Variants in ERBB2 observed in about 807,000 individuals in gnomAD.
ERBB2 encodes receptor tyrosine-protein kinase erbB-2.
In ERBB2, 61 loss-of-function variants were observed where a neutral mutation model predicts 149.0. That is an observed-to-expected ratio of 0.41 (90% CI 0.33 to 0.51). The LOEUF (loss-of-function observed/expected upper bound fraction) is 0.51, where lower values mean the gene tolerates loss of function less well. ERBB2 is among the 20% of genes least tolerant of loss of function. The probability of loss-of-function intolerance (pLI) is 0.25; values close to 1 mark genes in which losing one functional copy is unlikely to be tolerated. For synonymous variants in ERBB2, 633 were observed against 678.8 expected (o/e 0.93, Z 1.05); for missense variants, 1,205 against 1,655.1 (o/e 0.73, Z 4.72).
chr17:39,693,024 T>C (rs1487135699), upstream of ERBB2, among the ~76,000 whole-genome samples: 3 of 152,154 alleles, frequency 2.0e-5, no homozygotes, highest in Non-Finnish European at 4.4e-5. Context: ...ACTGTACCAC[T>C]GCACTCCAGC....
In ERBB2 at chr17:39,725,890, G is replaced by C. The variant is rs2143085736; in HGVS notation, c.2872+37G>C. On this transcript the variant is annotated intron_variant, in intron 23 of 26. Transcript: ENST00000269571. This position sits in a 1 kb window ranked among gnomAD's most constrained non-coding sequence, Gnocchi z 4.6. ...AGCTGTGCTGGCTGCCTGGAGGAGG[G>C]TGGGAGGTCCTGGGTGGAGGAGCCC... The C allele has an allele frequency of 6.2e-7, 1 of 1,610,736 alleles. No individual in the cohort carries two copies.
chr17:39,690,026 A>C (rs1292507809), upstream of ERBB2, among the ~76,000 whole-genome samples: 1 of 152,186 alleles, frequency 6.6e-6, no homozygotes, highest in African/African-American at 2.4e-5. Context: ...ATACATATAT[A>C]TAATTCAATC....
rs1432570064 is a variant in ERBB2 at position 39,726,284 on chromosome 17, G to A, written c.2873-278G>A. On this transcript the variant is annotated intron_variant, in intron 23 of 26. Transcript: ENST00000269571. This position sits in a 1 kb window ranked among gnomAD's most constrained non-coding sequence, Gnocchi z 5.1. Reference sequence around the variant, plus strand: ...CTAGTTTAAGGTTGCAGTAAGCTATGATTGCACCACTGAAATCCAGCCTGG... The same window carrying A: ...CTAGTTTAAGGTTGCAGTAAGCTATAATTGCACCACTGAAATCCAGCCTGG... The A allele has an allele frequency of 2.0e-6, 1 of 493,946 alleles. No homozygotes were observed. The highest frequency in any genetic ancestry group is 1.9e-5 in the African/African-American group (1 of 52,068). The allele number at this position is 493,946 out of a possible 1,614,324, so 30.6% of individuals were successfully genotyped here.
intron 14 of ERBB2, 68 bp downstream of exon 14, chr17:39,716,673 G>C: frequency 1.4e-6 from 2 of 1,402,744 alleles, no homozygotes; most frequent in Non-Finnish European, 2.0e-6. Context: ...GGACTTGGCA[G>C]GATGGCGAGA....
rs2145520335 is a variant in ERBB2, at chr17:39,710,396, C to A, written c.816C>A (p.Val272=). The change falls in exon 7 of 27, where the codon GTC becomes GTA. Residue 272 remains valine, a synonymous_variant. Transcript: ENST00000269571. ...GTGAGCTGCACTGCCCAGCCCTGGT[C>A]ACCTACAACACAGACACGTTTGAGT... The part of the protein sequence containing the change: ...GICELHCPAL[V]TYNTDTFESM... The A allele has an allele frequency of 6.2e-7, 1 of 1,614,150 alleles. No individual in the cohort carries two copies. Among genetic ancestry groups the A allele is most frequent in the Non-Finnish European group, 8.5e-7 (1 of 1,180,034 alleles).
At position 39,726,683 on chromosome 17, in the gene ERBB2, C is replaced by A. The variant is rs950695531; in HGVS notation, c.2970+24C>A. ...AGGTACTGGGCCTCTGTGCCCCATC[C>A]CTGCCTGTGGCTAAGAGCACCCTCC... On this transcript the variant is annotated intron_variant, in intron 24 of 26. Coordinates refer to ENST00000269571, the MANE Select transcript of ERBB2 (RefSeq NM_004448.4). This position sits in a 1 kb window ranked among gnomAD's most constrained non-coding sequence, Gnocchi z 5.1. 10 of 1,610,816 alleles carry A rather than the reference C, an allele frequency of 6.2e-6. No individual in the cohort carries two copies. Among genetic ancestry groups the A allele is most frequent in the Non-Finnish European group, 8.5e-6 (10 of 1,176,968 alleles).
At chr17:39,697,356 T>TTG (rs1555612366), upstream of ERBB2, among the ~76,000 whole-genome samples, 20 of 142,532 alleles carry the variant, frequency 1.4e-4, no homozygotes, top group African/African-American at 5.4e-4. Context: ...TTTGTTTTGT[T>TTG]TTTTTTTTTT....
chr17:39,712,329 T>C lies in ERBB2; in HGVS notation c.1029T>C (p.Tyr343=), dbSNP rs1408438215. 2 of 1,603,340 alleles carry C rather than the reference T, an allele frequency of 1.2e-6. No individual in the cohort carries two copies. The highest frequency in any genetic ancestry group is 2.2e-5 in the East Asian group (1 of 44,716). The change falls in exon 9 of 27, where the codon TAT becomes TAC. Residue 343 remains tyrosine (Y), a synonymous_variant. Transcript: ENST00000269571. ...CCACCCCCACCTCCTCAGTGTGCTA[T>C]GGTCTGGGCATGGAGCACTTGCGAG... The part of the protein sequence containing the change: ...KCSKPCARVC[Y]GLGMEHLREV...
At chr17:39,698,923 G>C (rs1477475935), upstream of ERBB2, among the ~76,000 whole-genome samples, 1 of 149,544 alleles carries the variant, frequency 6.7e-6, no homozygotes, top group Non-Finnish European at 1.5e-5. Flanking sequence ...TAATTTGTTA[G>C]TATAAATATG....
chr17:39,725,683 C>T lies in ERBB2; in HGVS notation c.2726-24C>T, dbSNP rs2143055465. On this transcript the variant is annotated intron_variant, in intron 22 of 26. Coordinates refer to ENST00000269571, the MANE Select transcript of ERBB2 (RefSeq NM_004448.4). The surrounding 1 kb of genome is among the most constrained non-coding windows in gnomAD (Gnocchi z 4.6). ...ACTAAAGCTCCCTCTGGCCCTCCCA[C>T]TCCTGACCCTGTCTCTGCCTTAGGT... is the stretch of plus-strand genomic sequence containing the variant. 6.3e-7 allele frequency: 1 copy of T among 1,598,784 alleles called. No homozygotes were observed. The highest frequency in any genetic ancestry group is 8.5e-7 in the Non-Finnish European group (1 of 1,172,014).
In ERBB2 at chr17:39,707,072, C is replaced by T. The variant is rs940852483; in HGVS notation, c.156C>T (p.Gly52=). 1 of 1,607,622 alleles carries T rather than the reference C, an allele frequency of 6.2e-7. No homozygotes were observed. Among genetic ancestry groups the T allele is most frequent in the African/African-American group, 1.3e-5 (1 of 74,716 alleles). The change falls in exon 2 of 27, where the codon GGC becomes GGT. Residue 52 remains glycine (G), a synonymous_variant. Transcript: ENST00000269571. ...HLDMLRHLYQ[G]CQVVQGNLEL... is the part of the protein sequence containing the mutation. ...ACATGCTCCGCCACCTCTACCAGGG[C>T]TGCCAGGTGGTGCAGGGAAACCTGG...
At position 39,707,090 on chromosome 17, in the gene ERBB2, A is replaced by G. The variant is rs1414095998; in HGVS notation, c.174A>G (p.Gly58=). 1.2e-6 allele frequency: 2 copies of G among 1,605,190 alleles called. No homozygotes were observed. Among genetic ancestry groups the G allele is most frequent in the African/African-American group, 1.3e-5 (1 of 74,496 alleles). Residue 58 remains glycine, a synonymous_variant, in exon 2 of 27, where the codon GGA becomes GGG. Coordinates refer to ENST00000269571, the MANE Select transcript of ERBB2 (RefSeq NM_004448.4). ...ACCAGGGCTGCCAGGTGGTGCAGGG[A>G]AACCTGGAACTCACCTACCTGCCCA... is the stretch of plus-strand genomic sequence containing the variant. ...HLYQGCQVVQ[G]NLELTYLPTN... is the part of the protein sequence containing the mutation.
chr17:39,719,814 C>T lies in ERBB2; in HGVS notation c.1926C>T (p.Cys642=), dbSNP rs541854282. Residue 642 remains cysteine, a synonymous_variant, in exon 16 of 27, where the codon TGC becomes TGT. Coordinates refer to ENST00000269571, the MANE Select transcript of ERBB2 (RefSeq NM_004448.4). ...GTGTGGACCTGGATGACAAGGGCTG[C>T]CCCGCCGAGCAGAGAGCCAGGTTGG... ...HSCVDLDDKG[C]PAEQRASPLT... 6.2e-7 allele frequency: 1 copy of T among 1,614,148 alleles called. No individual in the cohort carries two copies. The highest frequency in any genetic ancestry group is 2.2e-5 in the East Asian group (1 of 44,884).
At chr17:39,689,470 GT>G (rs948183886) in intron 2 of ERBB2, among the ~76,000 whole-genome samples, 357 of 150,792 alleles carry the variant, frequency 2.4e-3, no homozygotes, top group African/African-American at 6.9e-3. Context: ...TTACAATACT[GT>G]TTTTTTTTCT....
At chr17:39,713,892 C>CA (rs1410061444) in intron 9 of ERBB2, among the ~76,000 whole-genome samples, 2 of 151,370 alleles carry the variant, frequency 1.3e-5, no homozygotes, top group African/African-American at 4.9e-5. Flanking sequence ...CCCATCTCTA[C>CA]AAAAAAACAC....
At chr17:39,712,508 G>A (rs2145583230) in intron 9 of ERBB2, 60 bp downstream of exon 9, 1 of 1,586,872 alleles carries the variant, frequency 6.3e-7, no homozygotes, top group East Asian at 2.3e-5. Context: ...TGAGGATCCA[G>A]ATGTGGCAGC....
rs138611862 is a variant in ERBB2 at position 39,727,706 on chromosome 17, G to T, written c.3430G>T (p.Asp1144Tyr). The T allele has an allele frequency of 6.4e-7, 1 of 1,555,848 alleles. No homozygotes were observed. The change falls in exon 27 of 27, where the codon GAT (aspartate) becomes TAT (tyrosine). Residue 1144 changes from aspartate (D) to tyrosine (Y), a missense_variant. By Grantham distance (160) the Asp-to-Tyr change is radical. Around this residue, in one of 6 missense-constraint regions of ERBB2, gnomAD observed 312 missense variants for 343.8 expected, o/e 0.91. Transcript: ENST00000269571. This position sits in a 1 kb window ranked among gnomAD's most constrained non-coding sequence, Gnocchi z 4.3. ...SPQPEYVNQPDVRPQPPSPRE... is the reference protein window; with the variant it reads ...SPQPEYVNQPYVRPQPPSPRE... Reference sequence around the variant, plus strand: ...CCTTTCAGAATATGTGAACCAGCCAGATGTTCGGCCCCAGCCCCCTTCGCC... The same window carrying T: ...CCTTTCAGAATATGTGAACCAGCCATATGTTCGGCCCCAGCCCCCTTCGCC...
chr17:39,694,331 AT>A (rs1429925904), upstream of ERBB2, among the ~76,000 whole-genome samples: 1 of 137,868 alleles, frequency 7.3e-6, no homozygotes, highest in East Asian at 2.1e-4. Flanking sequence ...ACACATATAT[AT>A]GTGTATATAT....
intron 1 of ERBB2, among the ~76,000 whole-genome samples, chr17:39,704,638 G>T (rs1452057703): frequency 2.0e-5 from 3 of 152,112 alleles, no homozygotes; most frequent in Admixed American, 2.0e-4. Flanking sequence ...AGAGTGGGAG[G>T]GAGGTGTCAG....
Sources: gnomAD v4.1 joint callset for allele counts (sites outside exome capture counted in the v4.1 genomes callset) on GRCh38, gnomAD v4.1.1 for gene constraint, gnomAD v4.1.1 regional missense constraint, Gnocchi (gnomAD v3.1) non-coding constraint, MANE v1.5 for transcripts, NCBI Gene and HGNC (gene_info 2026-07-23, HGNC 2026-07-21) for gene names.